The following FOCAD variants were observed in gnomAD, a reference collection of about 807,000 sequenced individuals.
FOCAD encodes KIAA1797.
In FOCAD, 198 loss-of-function variants were observed where a neutral mutation model predicts 225.6. That is an observed-to-expected ratio of 0.88 (90% CI 0.78 to 0.99). FOCAD has a LOEUF of 0.99. Ranked by LOEUF, FOCAD falls within the 50% of genes least tolerant of loss-of-function variation. The probability of loss-of-function intolerance (pLI) is 0.00; values close to 1 mark genes in which losing one functional copy is unlikely to be tolerated. For missense variants in FOCAD, 2,713 were observed against 2,123.6 expected, an observed-to-expected ratio of 1.28 and a Z score of -5.46; for synonymous variants, 897 against 755.0, an observed-to-expected ratio of 1.19 and a Z score of -3.08.
rs1433716282 is a variant in FOCAD, at chr9:20,789,460, C to T, written c.1307C>T (p.Ala436Val). The T allele has an allele frequency of 3.1e-6, 5 of 1,613,900 alleles. No individual in the cohort carries two copies. Among genetic ancestry groups the T allele is most frequent in the Non-Finnish European group, 4.2e-6 (5 of 1,179,986 alleles). Residue 436 changes from alanine (A) to valine (V), a missense_variant, in exon 11 of 44, where the codon GCT (alanine) becomes GTT (valine). Transcript: ENST00000338382. ...TCGTCTGCTGCAAGTGACTGGTTGGCTTCAGTAGAGTCATTGCTTCCTATT... is the reference window on the plus strand; with the variant it reads ...TCGTCTGCTGCAAGTGACTGGTTGGTTTCAGTAGAGTCATTGCTTCCTATT... ...TDSSAASDWL[A>V]SVESLLPITA...
chr9:20,798,055 A>C (rs1348705527), intron 11 of FOCAD, among the ~76,000 whole-genome samples: 1 of 152,150 alleles, frequency 6.6e-6, no homozygotes, highest in East Asian at 1.9e-4. Flanking sequence ...TTTTAGCATG[A>C]AGCATTGTTG....
chr9:20,762,646 T>C (rs2151002), intron 6 of FOCAD, among the ~76,000 whole-genome samples: 93,409 of 152,044 alleles, frequency 0.61, 28,840 homozygotes, highest in South Asian at 0.68. Flanking sequence ...TGTTGTCAAG[T>C]GTTATTTATT....
At chr9:20,667,537 C>T (rs1447443235) in intron 2 of FOCAD, among the ~76,000 whole-genome samples, 1 of 152,132 alleles carries the variant, frequency 6.6e-6, no homozygotes, top group Non-Finnish European at 1.5e-5. Context: ...TGATCACATC[C>T]CTGACAAAGG....
chr9:20,707,235 T>C (rs1824464537), intron 1 of FOCAD, among the ~76,000 whole-genome samples: 1 of 152,216 alleles, frequency 6.6e-6, no homozygotes, highest in Non-Finnish European at 1.5e-5. Context: ...TTCAGCTTGA[T>C]TTTGAAATTA....
intron 22 of FOCAD, among the ~76,000 whole-genome samples, chr9:20,912,401 T>C (rs1373554834): frequency 2.0e-5 from 3 of 152,102 alleles, no homozygotes; most frequent in East Asian, 1.9e-4. Context: ...TGTAGAGCTG[T>C]TGGAGAATAA....
At position 20,923,332 on chromosome 9, in the gene FOCAD, A is replaced by G. The variant is rs577243796; in HGVS notation, c.2853-328A>G. On this transcript the variant is annotated intron_variant, in intron 24 of 43. Coordinates refer to ENST00000338382, the MANE Select transcript of FOCAD (RefSeq NM_001375567.1). The stretch of plus-strand genomic sequence containing the variant: ...CAAATCAATAATTTTAAATTGGCCA[A>G]AGATGACACAGAAGAGATCCTAGGA... 9.7e-4 allele frequency among the ~76,000 whole-genome samples: 148 copies of G among 152,322 alleles called. 1 individual carries two copies. The Middle Eastern group carries it at 0.014, about 14-fold the overall frequency.
At chr9:20,928,027 A>G (rs1835122637) in intron 26 of FOCAD, 1 of 151,852 alleles carries the variant, frequency 6.6e-6, no homozygotes, top group African/African-American at 2.4e-5. Flanking sequence ...TAATTGCTCT[A>G]TGATGATTTA....
intron 2 of FOCAD, among the ~76,000 whole-genome samples, chr9:20,671,450 C>G (rs1331167920): frequency 6.6e-6 from 1 of 151,982 alleles, no homozygotes; most frequent in Non-Finnish European, 1.5e-5. Flanking sequence ...CAAGCTTTCT[C>G]TAAGTGGAAT....
intron 11 of FOCAD, among the ~76,000 whole-genome samples, chr9:20,809,513 A>C (rs890909948): frequency 2.0e-5 from 3 of 152,134 alleles, no homozygotes; most frequent in Non-Finnish European, 2.9e-5. Context: ...GTATTGGGCA[A>C]CCTAGCTCTA....
chr9:20,865,094 T>TTC (rs2131715683), intron 16 of FOCAD, among the ~76,000 whole-genome samples: 1 of 152,214 alleles, frequency 6.6e-6, no homozygotes, highest in East Asian at 1.9e-4. Context: ...AGTCCCTGCC[T>TTC]TCTAGAAGCT....
chr9:20,952,060 A>G (rs903269664), intron 34 of FOCAD, among the ~76,000 whole-genome samples: 3 of 152,332 alleles, frequency 2.0e-5, no homozygotes, highest in Non-Finnish European at 1.5e-5. Context: ...TTACCATATT[A>G]AAATGGAAAA....
Position 20,951,071 on chromosome 9 carries a change from C to G in FOCAD, c.4024C>G (p.Leu1342Val), listed in dbSNP as rs945751160. 4 of 1,613,456 alleles carry G rather than the reference C, an allele frequency of 2.5e-6. No homozygotes were observed. Among genetic ancestry groups the G allele is most frequent in the Non-Finnish European group, 3.4e-6 (4 of 1,179,468 alleles). ...WLLGHLHLSTLSSSQSRASVP... is the reference protein window; with the variant it reads ...WLLGHLHLSTVSSSQSRASVP... ...TCTTGGACATCTTCATCTATCTACT[C>G]TATCCTCAAGTCAAAGTAGAGCCTC... Residue 1342 changes from leucine (L) to valine (V), a missense_variant, in exon 34 of 44, where the codon CTA becomes GTA. Leu to Val is a conservative substitution (Grantham distance 32). Transcript: ENST00000338382.
At chr9:20,970,439 T>C (rs922608390) in intron 35 of FOCAD, among the ~76,000 whole-genome samples, 2 of 152,120 alleles carry the variant, frequency 1.3e-5, no homozygotes, top group African/African-American at 4.8e-5. Context: ...GTTGATTCTT[T>C]TGCCTGCTCA....
intron 21 of FOCAD, among the ~76,000 whole-genome samples, chr9:20,900,517 A>G (rs1345741064): frequency 6.6e-6 from 1 of 151,938 alleles, no homozygotes; most frequent in Non-Finnish European, 1.5e-5. Context: ...CCAATCATTT[A>G]AAATATAAGA....
At chr9:20,708,407 A>G (rs1015276608) in intron 1 of FOCAD, among the ~76,000 whole-genome samples, 1 of 152,106 alleles carries the variant, frequency 6.6e-6, no homozygotes, top group Admixed American at 6.5e-5. Context: ...TGAATGAAGT[A>G]CTTATTTTTT....
At chr9:20,672,072 A>G (rs906946910) in intron 2 of FOCAD, among the ~76,000 whole-genome samples, 13 of 152,120 alleles carry the variant, frequency 8.5e-5, no homozygotes, top group Non-Finnish European at 1.6e-4. Flanking sequence ...TAGTGTGTAC[A>G]TGGGATAGGG....
At chr9:20,763,789 T>C (rs16938161) in intron 6 of FOCAD, among the ~76,000 whole-genome samples, 71 of 152,256 alleles carry the variant, frequency 4.7e-4, no homozygotes, top group African/African-American at 1.3e-3. Context: ...TGTGTGTGAA[T>C]TGGGCTAGAT....
At chr9:20,746,202 T>C (rs1828021205) in intron 5 of FOCAD, among the ~76,000 whole-genome samples, 2 of 152,252 alleles carry the variant, frequency 1.3e-5, no homozygotes, top group Non-Finnish European at 1.5e-5. Flanking sequence ...GCATTGTTTT[T>C]GCATTTTCTC....
chr9:20,757,546 A>C (rs1357772120), intron 5 of FOCAD, among the ~76,000 whole-genome samples: 2 of 152,192 alleles, frequency 1.3e-5, no homozygotes, highest in African/African-American at 4.8e-5. Context: ...ATAGTTGTTA[A>C]GATGGAAGGA....
Sources: allele counts gnomAD v4.1 joint callset (sites outside exome capture counted in the v4.1 genomes callset), GRCh38; gene constraint gnomAD v4.1.1; transcripts MANE v1.5; gene names NCBI Gene and HGNC (gene_info 2026-07-23, HGNC 2026-07-21).